Variants in NRG1 observed in about 807,000 individuals in gnomAD.
NRG1 encodes neuregulin 1, also known as pro-neuregulin-1, membrane-bound isoform.
A neutral mutation model predicts 63.8 loss-of-function variants in NRG1; 18 were observed. The observed-to-expected ratio is 0.28, with a 90% CI of 0.19 to 0.42. NRG1 has a LOEUF of 0.42. Among genes scored for constraint, NRG1 ranks in the 10% least tolerant of loss-of-function variants. The pLI is 1.00. For missense variants in NRG1, 762 were observed against 814.7 expected (o/e 0.94, Z 0.79); for synonymous variants, 302 against 301.3 (o/e 1.00, Z -0.02).
intron 1 of NRG1, among the ~76,000 whole-genome samples, chr8:31,952,902 T>A (rs1426884337): frequency 6.6e-6 from 1 of 152,242 alleles, no homozygotes; most frequent in African/African-American, 2.4e-5. Flanking sequence ...ATTATCACTG[T>A]CTCTTTGAAT....
At chr8:32,728,638 T>G (rs1328359718) in intron 6 of NRG1, 2 of 984,948 alleles carry the variant, frequency 2.0e-6, no homozygotes, top group Admixed American at 6.2e-5. Context: ...AAAAAGTAAA[T>G]TGCATATATT....
chr8:31,860,547 C>T (rs999331529), intron 1 of NRG1, among the ~76,000 whole-genome samples: 14 of 152,146 alleles, frequency 9.2e-5, no homozygotes, highest in Admixed American at 5.9e-4. Flanking sequence ...AAGTAATTAC[C>T]GTATGTTTAA....
chr8:31,691,390 G>A (rs1017454827), intron 1 of NRG1, among the ~76,000 whole-genome samples: 2 of 151,542 alleles, frequency 1.3e-5, no homozygotes, highest in African/African-American at 2.4e-5. Context: ...GGCGGATCTC[G>A]AGGTCAGGAG....
chr8:31,997,889 CAT>C (rs769438609), intron 1 of NRG1, among the ~76,000 whole-genome samples: 78 of 151,920 alleles, frequency 5.1e-4, no homozygotes, highest in Non-Finnish European at 2.1e-4. Flanking sequence ...AATAAGGAAA[CAT>C]AGAATTTAAA....
At chr8:31,914,797 GTC>G (rs1833242948) in intron 1 of NRG1, among the ~76,000 whole-genome samples, 1 of 151,804 alleles carries the variant, frequency 6.6e-6, no homozygotes, top group Non-Finnish European at 1.5e-5. Context: ...AAGGACCAGT[GTC>G]TCAGAGCTTT....
chr8:32,690,316 G>C lies in NRG1; in HGVS notation c.503-37633G>C, dbSNP rs1456197483. 2.0e-5 allele frequency among the ~76,000 whole-genome samples: 3 copies of C among 148,914 alleles called. No homozygotes were observed. In the South Asian group the frequency reaches 6.4e-4, roughly 32 times the overall value. On this transcript the variant is annotated intron_variant, in intron 5 of 11. Coordinates refer to ENST00000356819, the Ensembl canonical transcript of NRG1. ...GGTCCCATGGTCTACTTATCCCCCCGCCCCCCACAGCAAGTCCCTTACCCC... is the reference window on the plus strand; with the variant it reads ...GGTCCCATGGTCTACTTATCCCCCCCCCCCCCACAGCAAGTCCCTTACCCC...
intron 5 of NRG1, among the ~76,000 whole-genome samples, chr8:32,617,278 C>T (rs1011957269): frequency 2.6e-5 from 4 of 152,268 alleles, no homozygotes; most frequent in South Asian, 2.1e-4. Flanking sequence ...TTGGAGCTTC[C>T]GTTCCAAAAC....
At chr8:31,739,001 C>T (rs1814982561) in intron 1 of NRG1, among the ~76,000 whole-genome samples, 1 of 152,002 alleles carries the variant, frequency 6.6e-6, no homozygotes. Context: ...CTTTGGGGGC[C>T]CAATTCAACC....
intron 5 of NRG1, among the ~76,000 whole-genome samples, chr8:32,703,686 G>C (rs556206515): frequency 1.4e-4 from 22 of 152,076 alleles, no homozygotes; most frequent in Non-Finnish European, 2.8e-4. Context: ...AAACTGTTTA[G>C]AACTAAGACA....
chr8:31,876,123 CAGTT>C (rs554730122), intron 1 of NRG1, among the ~76,000 whole-genome samples: 10 of 152,150 alleles, frequency 6.6e-5, no homozygotes, highest in South Asian at 2.1e-4. Context: ...AATTAAAAGT[CAGTT>C]AGTTTATATG....
At chr8:32,339,056 G>C (rs1411701077) in intron 1 of NRG1, among the ~76,000 whole-genome samples, 1 of 152,034 alleles carries the variant, frequency 6.6e-6, no homozygotes, top group Admixed American at 6.6e-5. Context: ...CTGGCATAGA[G>C]AGGTGGCCCC....
At chr8:32,491,364 C>T (rs1196844242) in intron 1 of NRG1, among the ~76,000 whole-genome samples, 1 of 152,094 alleles carries the variant, frequency 6.6e-6, no homozygotes, top group Non-Finnish European at 1.5e-5. Context: ...TTTCAATATG[C>T]TTATAAAAAT....
At chr8:32,606,014 C>G (rs1845203944) in intron 3 of NRG1, among the ~76,000 whole-genome samples, 1 of 150,518 alleles carries the variant, frequency 6.6e-6, no homozygotes, top group Admixed American at 6.6e-5. Context: ...GCTCTCTGAA[C>G]AACAGAATAC....
chr8:32,430,720 A>C (rs1486472339), intron 1 of NRG1, among the ~76,000 whole-genome samples: 1 of 152,068 alleles, frequency 6.6e-6, no homozygotes, highest in Non-Finnish European at 1.5e-5. Context: ...TTACTAGAAA[A>C]TATGTCATTT....
chr8:31,647,025 A>G (rs142874660), intron 1 of NRG1, among the ~76,000 whole-genome samples: 10 of 152,350 alleles, frequency 6.6e-5, no homozygotes, highest in African/African-American at 2.4e-4. Flanking sequence ...TAAATGCTTA[A>G]AAGTACAGAA....
intron 1 of NRG1, among the ~76,000 whole-genome samples, chr8:32,005,442 G>T (rs1813619185): frequency 6.6e-6 from 1 of 151,902 alleles, no homozygotes; most frequent in African/African-American, 2.4e-5. Context: ...GGTCAAGGAT[G>T]AAAGAAAAAG....
chr8:32,684,083 GCTA>G (rs1809426929), intron 5 of NRG1, among the ~76,000 whole-genome samples: 1 of 152,048 alleles, frequency 6.6e-6, no homozygotes. Context: ...TGTGATCCCA[GCTA>G]CTCCGGGAGG....
chr8:32,440,071 GACAA>G lies in NRG1; in HGVS notation c.38-155753_38-155750del, dbSNP rs557950709. Among the ~76,000 whole-genome samples the G allele has an allele frequency of 2.3e-3, 354 of 152,284 alleles. 1 individual carries two copies. Among genetic ancestry groups the G allele is most frequent in the Non-Finnish European group, 4.1e-3 (276 of 68,022 alleles). On this transcript the variant is annotated intron_variant, in intron 1 of 10. Coordinates refer to the NRG1 transcript ENST00000519301. ...CAGGAAACTTACAATCATGGCGGAA[GACAA>G]ACAGGATGCAAAACACCTCTTACAA...
At chr8:32,705,421 G>A (rs1036034518) in intron 5 of NRG1, among the ~76,000 whole-genome samples, 2 of 152,124 alleles carry the variant, frequency 1.3e-5, no homozygotes, top group Admixed American at 6.5e-5. Context: ...GTGAGCCACC[G>A]CGCCCGGCCA....
Sources: allele counts gnomAD v4.1 joint callset (sites outside exome capture counted in the v4.1 genomes callset), GRCh38; gene constraint gnomAD v4.1.1; transcripts MANE v1.5; gene names NCBI Gene and HGNC (gene_info 2026-07-23, HGNC 2026-07-21).